The following BMPER variants were observed in gnomAD, a reference collection of about 807,000 sequenced individuals.
The protein encoded by BMPER is BMP-binding endothelial regulator protein.
In BMPER, 45 loss-of-function variants were observed where a neutral mutation model predicts 87.3. The observed-to-expected ratio is 0.52, with a 90% CI of 0.41 to 0.66. BMPER has a LOEUF of 0.66. BMPER is among the 30% of genes least tolerant of loss of function. BMPER has a pLI of 0.00. For missense variants in BMPER, 784 were observed against 867.5 expected (o/e 0.90, Z 1.21); for synonymous variants, 326 against 316.2 (o/e 1.03, Z -0.33).
At chr7:34,089,979 T>G (rs568202327) in intron 13 of BMPER, among the ~76,000 whole-genome samples, 1 of 152,210 alleles carries the variant, frequency 6.6e-6, no homozygotes, top group Non-Finnish European at 1.5e-5. Flanking sequence ...ACAAATCAAT[T>G]TGACCCATTT....
At chr7:34,001,986 T>C (rs1786594043) in intron 6 of BMPER, among the ~76,000 whole-genome samples, 1 of 151,804 alleles carries the variant, frequency 6.6e-6, no homozygotes, top group Admixed American at 6.6e-5. Flanking sequence ...TTTCCTTCTT[T>C]TATTGACTTT....
intron 14 of BMPER, among the ~76,000 whole-genome samples, chr7:34,150,677 T>C (rs1583485267): frequency 1.3e-5 from 2 of 152,102 alleles, no homozygotes; most frequent in East Asian, 1.9e-4. Context: ...GAAGCCTAAA[T>C]TGAGAGACTT....
At chr7:34,021,657 A>C (rs1204766307) in intron 6 of BMPER, among the ~76,000 whole-genome samples, 1 of 152,060 alleles carries the variant, frequency 6.6e-6, no homozygotes, top group Non-Finnish European at 1.5e-5. Context: ...GCTTTACTGA[A>C]GGCAACAGAT....
chr7:34,047,304 G>A (rs997474402), intron 7 of BMPER, among the ~76,000 whole-genome samples: 22 of 151,336 alleles, frequency 1.5e-4, no homozygotes, highest in South Asian at 2.1e-4. Flanking sequence ...TTTTTGAGAC[G>A]GAGTCTTGCT....
intron 3 of BMPER, among the ~76,000 whole-genome samples, chr7:33,960,363 C>T (rs73316008): frequency 0.021 from 3,178 of 152,174 alleles, 102 homozygotes; most frequent in African/African-American, 0.072. Context: ...GATTATACTT[C>T]CATATGTTTC....
chr7:34,116,788 G>A (rs767480505), intron 13 of BMPER, among the ~76,000 whole-genome samples: 9 of 152,140 alleles, frequency 5.9e-5, no homozygotes, highest in Non-Finnish European at 1.3e-4. Flanking sequence ...TCAGGAGTTT[G>A]AGACCAGCCT....
intron 11 of BMPER, chr7:34,067,148 C>CA (rs1435576436): frequency 6.6e-6 from 1 of 152,196 alleles, no homozygotes; most frequent in African/African-American, 2.4e-5. Context: ...TTCAGCAGCT[C>CA]ATGGTGAGAG....
At chr7:34,081,638 T>C (rs79843073) in intron 12 of BMPER, among the ~76,000 whole-genome samples, 5,292 of 152,296 alleles carry the variant, frequency 0.035, 319 homozygotes, top group African/African-American at 0.12. Flanking sequence ...TTTTAAAATA[T>C]TTCCTTTCTA....
Position 34,060,368 on chromosome 7 carries a change from G to A in BMPER, c.1033-1634G>A, listed in dbSNP as rs146247049. Among the ~76,000 whole-genome samples, 491 of 152,234 alleles carry A rather than the reference G, an allele frequency of 3.2e-3. 2 individuals carry two copies. The highest frequency in any genetic ancestry group is 0.011 in the African/African-American group (455 of 41,518). ...CTTGGGGCCGTCATTCCCTGGGCCT[G>A]AGCTGACCTCATTTGGCTTCATCTG... On this transcript the variant is annotated intron_variant, in intron 10 of 14. Transcript: ENST00000649409.
At chr7:34,113,560 C>T (rs1204721729) in intron 13 of BMPER, among the ~76,000 whole-genome samples, 2 of 151,454 alleles carry the variant, frequency 1.3e-5, no homozygotes, top group Non-Finnish European at 2.9e-5. Context: ...GCTTTCAGTA[C>T]ACAGGAGCAA....
chr7:34,085,363 T>C (rs1789170893), intron 12 of BMPER, among the ~76,000 whole-genome samples: 10 of 152,114 alleles, frequency 6.6e-5, no homozygotes, highest in Admixed American at 6.5e-4. Context: ...ACAATCATCT[T>C]TTTTTTTCCA....
At chr7:34,117,905 A>C (rs866488150) in intron 13 of BMPER, among the ~76,000 whole-genome samples, 2 of 152,368 alleles carry the variant, frequency 1.3e-5, no homozygotes, top group Middle Eastern at 3.4e-3. Flanking sequence ...AGATTTAAGC[A>C]TAAACCTCTG....
chr7:34,019,940 T>C (rs1787134813), intron 6 of BMPER, among the ~76,000 whole-genome samples: 1 of 150,732 alleles, frequency 6.6e-6, no homozygotes, highest in African/African-American at 2.4e-5. Context: ...TGTAAGGTTT[T>C]TTTAGAAGGT....
intron 13 of BMPER, among the ~76,000 whole-genome samples, chr7:34,104,798 G>A (rs184760868): frequency 1.3e-5 from 2 of 152,280 alleles, no homozygotes; most frequent in East Asian, 1.9e-4. Flanking sequence ...CATTGCCTGG[G>A]TGAGAGAAAG....
Position 34,033,528 on chromosome 7 carries a change from A to C in BMPER, c.577-12778A>C, listed in dbSNP as rs76862036. Among the ~76,000 whole-genome samples, 1,157 of 152,318 alleles carry C rather than the reference A, an allele frequency of 7.6e-3. 13 individuals carry two copies. The highest frequency in any genetic ancestry group is 0.024 in the African/African-American group (977 of 41,562). Reference sequence around the variant, plus strand: ...GCCTTCAGTATGTAAGCTTTCACTTAATCTGCCTGTTTTTAAGACACTACC... The same window carrying C: ...GCCTTCAGTATGTAAGCTTTCACTTCATCTGCCTGTTTTTAAGACACTACC... On this transcript the variant is annotated intron_variant, in intron 6 of 14. Coordinates refer to ENST00000649409, the MANE Select transcript of BMPER (RefSeq NM_001365308.1).
chr7:34,113,877 GTAGTC>G (rs1169700272), intron 13 of BMPER, among the ~76,000 whole-genome samples: 2 of 152,220 alleles, frequency 1.3e-5, no homozygotes, highest in Middle Eastern at 3.4e-3. Flanking sequence ...TACTGCCATG[GTAGTC>G]TGAGTGATGT....
intron 2 of BMPER, among the ~76,000 whole-genome samples, chr7:33,907,479 CCTTAATAGAGAA>C (rs1783851691): frequency 6.6e-6 from 1 of 152,112 alleles, no homozygotes; most frequent in African/African-American, 2.4e-5. Flanking sequence ...ACAATTCCAT[CCTTAATAGAGAA>C]TGACACTTGG....
At chr7:33,989,783 G>A (rs1276640693) in intron 6 of BMPER, among the ~76,000 whole-genome samples, 3 of 152,044 alleles carry the variant, frequency 2.0e-5, no homozygotes, top group Non-Finnish European at 2.9e-5. Context: ...ATCTTGAATT[G>A]ATTTTTGTAT....
chr7:33,956,296 A>G (rs1184550200), intron 3 of BMPER, among the ~76,000 whole-genome samples: 3 of 152,186 alleles, frequency 2.0e-5, no homozygotes, highest in Non-Finnish European at 4.4e-5. Flanking sequence ...AAAAAATCTA[A>G]TTAGAAATAG....
Sources: gnomAD v4.1 joint callset for allele counts (sites outside exome capture counted in the v4.1 genomes callset) on GRCh38, gnomAD v4.1.1 for gene constraint, MANE v1.5 for transcripts, NCBI Gene and HGNC (gene_info 2026-07-23, HGNC 2026-07-21) for gene names.